Variants in RGMA observed in about 807,000 individuals in gnomAD.
The protein encoded by RGMA is repulsive guidance molecule BMP co-receptor a.
In RGMA, 10 loss-of-function variants were observed where a neutral mutation model predicts 23.2. The observed-to-expected ratio is 0.43, with a 90% CI of 0.27 to 0.73. The LOEUF is 0.73. Ranked by LOEUF, RGMA falls within the 30% of genes least tolerant of loss-of-function variation. The pLI is 0.20. For missense variants in RGMA, 547 were observed against 630.5 expected, an observed-to-expected ratio of 0.87 and a Z score of 1.42; for synonymous variants, 308 against 279.3, an observed-to-expected ratio of 1.10 and a Z score of -1.03.
chr15:93,072,081 G>C (rs561216066), intron 2 of RGMA, among the ~76,000 whole-genome samples: 1 of 152,156 alleles, frequency 6.6e-6, no homozygotes, highest in Admixed American at 6.5e-5. Context: ...AAAACAGGCC[G>C]GGGATTTAAG....
At chr15:93,088,322 C>T in intron 1 of RGMA, 1 of 985,638 alleles carries the variant, frequency 1.0e-6, no homozygotes, top group Non-Finnish European at 1.2e-6. Context: ...GAATCGTCGC[C>T]GTGCCCTCCC....
intron 2 of RGMA, among the ~76,000 whole-genome samples, chr15:93,068,562 G>C (rs1018019537): frequency 6.6e-6 from 1 of 152,194 alleles, no homozygotes. Flanking sequence ...CAAGACTAGA[G>C]ATCCTTTCCC....
Position 93,089,047 on chromosome 15 carries a change from C to T in RGMA, c.-115G>A. On this transcript the variant is annotated 5_prime_UTR_variant, in exon 1 of 4. Coordinates refer to ENST00000329082, the MANE Select transcript of RGMA (RefSeq NM_020211.3). Reference sequence around the variant, plus strand: ...TGGGAGGGGCTCCGCTGGCGCTGGTCCCCGCCGCCCCGGCCGGCTCAGCAG... The same window carrying T: ...TGGGAGGGGCTCCGCTGGCGCTGGTTCCCGCCGCCCCGGCCGGCTCAGCAG... 2 of 547,274 alleles carry T rather than the reference C, an allele frequency of 3.7e-6. No individual in the cohort carries two copies. Among genetic ancestry groups the T allele is most frequent in the Non-Finnish European group, 2.8e-6 (1 of 352,684 alleles). The allele number at this position is 547,274 out of a possible 1,614,324, so 33.9% of individuals were successfully genotyped here.
intron 1 of RGMA, among the ~76,000 whole-genome samples, chr15:93,082,162 T>G (rs985047810): frequency 9.2e-5 from 14 of 152,396 alleles, no homozygotes; most frequent in African/African-American, 2.6e-4. Flanking sequence ...ATATTCATTT[T>G]ATATCATGGA....
intron 3 of RGMA, among the ~76,000 whole-genome samples, chr15:93,048,765 C>T (rs1323803996): frequency 6.6e-6 from 1 of 152,168 alleles, no homozygotes; most frequent in East Asian, 1.9e-4. Flanking sequence ...GGCCAGCCCA[C>T]CTCGGTGGGG....
At chr15:93,049,647 G>A (rs569581389) in intron 3 of RGMA, among the ~76,000 whole-genome samples, 4 of 152,344 alleles carry the variant, frequency 2.6e-5, no homozygotes, top group African/African-American at 9.6e-5. Flanking sequence ...AGTGATGCCC[G>A]GGTGTTTGGG....
intron 2 of RGMA, among the ~76,000 whole-genome samples, chr15:93,057,032 C>A (rs1379240654): frequency 1.3e-5 from 2 of 152,168 alleles, no homozygotes; most frequent in Non-Finnish European, 2.9e-5. Flanking sequence ...CATCTCTCCT[C>A]TTCCCTCCTT....
intron 3 of RGMA, among the ~76,000 whole-genome samples, chr15:93,048,269 A>G (rs578089923): frequency 8.1e-4 from 123 of 152,280 alleles, no homozygotes; most frequent in African/African-American, 2.9e-3. Flanking sequence ...CCCCGGAAGA[A>G]CAGAGGGAGA....
intron 1 of RGMA, among the ~76,000 whole-genome samples, chr15:93,084,692 C>G (rs1030724465): frequency 1.3e-5 from 2 of 152,086 alleles, no homozygotes; most frequent in Admixed American, 1.3e-4. Context: ...ATGCTGGTCT[C>G]GAACCCCTGA....
rs962287567 is a variant in RGMA at position 93,041,202 on chromosome 15, C to T, written c.*3796G>A. 1.3e-5 allele frequency: 2 copies of T among 152,048 alleles called. No individual in the cohort carries two copies. The highest frequency in any genetic ancestry group is 4.8e-5 in the African/African-American group (2 of 41,338). The allele number at this position is 152,048 out of a possible 1,614,324, so 9.4% of individuals were successfully genotyped here. A position where few individuals can be genotyped will look rare whatever the true frequency, so the allele number is the denominator to read the frequency against. ...ATTTGTTTTAAAGGCCATTTCTCTC[C>T]TGTCCTATAGCCTTGCACATTCTGG... On this transcript the variant is annotated 3_prime_UTR_variant, in exon 4 of 4. Transcript: ENST00000329082.
intron 1 of RGMA, among the ~76,000 whole-genome samples, chr15:93,081,465 C>T (rs1292407356): frequency 6.6e-6 from 1 of 152,228 alleles, no homozygotes; most frequent in East Asian, 1.9e-4. Flanking sequence ...ACCTTAGAAA[C>T]ATTCAGCAAC....
At chr15:93,050,042 T>A (rs776317359) in intron 3 of RGMA, among the ~76,000 whole-genome samples, 1 of 152,210 alleles carries the variant, frequency 6.6e-6, no homozygotes, top group Non-Finnish European at 1.5e-5. Flanking sequence ...TCCGGAAACT[T>A]GCGCTGTGCT....
chr15:93,079,392 A>G (rs1895522507), intron 1 of RGMA, among the ~76,000 whole-genome samples: 1 of 152,210 alleles, frequency 6.6e-6, no homozygotes, highest in African/African-American at 2.4e-5. Flanking sequence ...TCCTTAAAGA[A>G]TGCTAATAGA....
chr15:93,048,723 A>G (rs1039595568), intron 3 of RGMA, among the ~76,000 whole-genome samples: 2 of 152,158 alleles, frequency 1.3e-5, no homozygotes, highest in African/African-American at 4.8e-5. Flanking sequence ...CATACGGTTC[A>G]GCCTCCTACT....
chr15:93,067,202 C>T (rs1895185941), intron 2 of RGMA, among the ~76,000 whole-genome samples: 1 of 152,034 alleles, frequency 6.6e-6, no homozygotes, highest in African/African-American at 2.4e-5. Flanking sequence ...TTATCCCTTT[C>T]AGCTTTCAGA....
At chr15:93,080,680 G>A (rs1484840687) in intron 1 of RGMA, among the ~76,000 whole-genome samples, 2 of 152,200 alleles carry the variant, frequency 1.3e-5, no homozygotes, top group Middle Eastern at 3.2e-3. Flanking sequence ...GGGCTGGGCT[G>A]GGGCCTTCCT....
Position 93,073,427 on chromosome 15 carries a change from G to C in RGMA, c.15-396C>G, listed in dbSNP as rs148092843. ...GACCCTCGCGCCATCTCCAGCCCGC[G>C]GCTGTCCTTGCAAACCAGGCCCAGC... On this transcript the variant is annotated intron_variant, in intron 1 of 3. Coordinates refer to ENST00000329082, the MANE Select transcript of RGMA (RefSeq NM_020211.3). 3.7e-5 allele frequency: 29 copies of C among 788,456 alleles called. 1 individual carries two copies. The East Asian group carries it at 8.4e-4, about 23-fold the overall frequency. 48.8% of individuals were successfully genotyped at this position (788,456 alleles called of 1,614,324 possible).
rs1185571787 is a variant in RGMA, at chr15:93,038,569, G to GTTTTTTTTTTTTTTTTTGTT, written c.*6428_*6429insAACAAAAAAAAAAAAAAAAA. 1 of 100,224 alleles carries GTTTTTTTTTTTTTTTTTGTT rather than the reference G, an allele frequency of 1.0e-5. No individual in the cohort carries two copies. Among genetic ancestry groups the GTTTTTTTTTTTTTTTTTGTT allele is most frequent in the Non-Finnish European group, 2.3e-5 (1 of 42,826 alleles). The allele number at this position is 100,224 out of a possible 1,614,324, so 6.2% of individuals were successfully genotyped here. On this transcript the variant is annotated 3_prime_UTR_variant, in exon 4 of 4. Coordinates refer to ENST00000329082, the MANE Select transcript of RGMA (RefSeq NM_020211.3). ...GCCTTAATGAACGAAACTGTTAGTT[G>GTTTTTTTTTTTTTTTTTGTT]TTTTTTTTTTTTTTTTGAGACGGTG...
At chr15:93,087,541 C>G (rs1470247456) in intron 1 of RGMA, among the ~76,000 whole-genome samples, 1 of 150,374 alleles carries the variant, frequency 6.7e-6, no homozygotes, top group African/African-American at 2.4e-5. Context: ...GCAGGAGGCC[C>G]TCTCCCAGTT....
Sources: gnomAD v4.1 joint callset for allele counts (sites outside exome capture counted in the v4.1 genomes callset) on GRCh38, gnomAD v4.1.1 for gene constraint, MANE v1.5 for transcripts, NCBI Gene and HGNC (gene_info 2026-07-23, HGNC 2026-07-21) for gene names.